Variants in KCNMA1 observed in about 807,000 individuals in gnomAD.
KCNMA1 encodes potassium calcium-activated channel subfamily M alpha 1.
A neutral mutation model predicts 140.0 loss-of-function variants in KCNMA1; 29 were observed. The observed-to-expected ratio is 0.21, with a 90% CI of 0.15 to 0.28. The LOEUF is 0.28. KCNMA1 is among the 10% of genes least tolerant of loss of function. The probability of loss-of-function intolerance (pLI) is 1.00; values close to 1 mark genes in which losing one functional copy is unlikely to be tolerated. For missense variants in KCNMA1, 880 were observed against 1,602.2 expected (o/e 0.55, Z 7.70); for synonymous variants, 612 against 611.9 (o/e 1.00, Z 0.00).
At chr10:77,282,360 C>A (rs1290133831) in intron 2 of KCNMA1, among the ~76,000 whole-genome samples, 1 of 152,176 alleles carries the variant, frequency 6.6e-6, no homozygotes, top group Non-Finnish European at 1.5e-5. Flanking sequence ...TTTGCAAATT[C>A]TGTTTCTCCT....
At chr10:77,299,279 G>A (rs1247293044) in intron 2 of KCNMA1, among the ~76,000 whole-genome samples, 2 of 152,160 alleles carry the variant, frequency 1.3e-5, no homozygotes, top group African/African-American at 4.8e-5. Context: ...GTTAAACGTT[G>A]CATGTATTGA....
At chr10:77,537,311 C>CA (rs1403404659) in intron 1 of KCNMA1, among the ~76,000 whole-genome samples, 27 of 152,218 alleles carry the variant, frequency 1.8e-4, no homozygotes, top group African/African-American at 6.3e-4. Context: ...ATCACTGTGC[C>CA]AACTCAGGGG....
chr10:77,102,439 A>G (rs941192892), intron 9 of KCNMA1, among the ~76,000 whole-genome samples: 1 of 152,224 alleles, frequency 6.6e-6, no homozygotes, highest in African/African-American at 2.4e-5. Flanking sequence ...ATTCTGATAT[A>G]AGGAAAGACA....
chr10:77,411,343 A>G lies in KCNMA1; in HGVS notation c.379-7320T>C, dbSNP rs534763098. Among the ~76,000 whole-genome samples, 3 of 152,320 alleles carry G rather than the reference A, an allele frequency of 2.0e-5. No individual in the cohort carries two copies. The East Asian group carries it at 5.8e-4, about 29-fold the overall frequency. On this transcript the variant is annotated intron_variant, in intron 1 of 27. Transcript: ENST00000286628. ...GAGGGAGGAGAGCTACAGCAAATGG[A>G]AAGTCAGTTCTTACCATGCACAATC...
At chr10:77,062,891 C>G (rs2095806369) in intron 14 of KCNMA1, among the ~76,000 whole-genome samples, 1 of 152,270 alleles carries the variant, frequency 6.6e-6, no homozygotes, top group East Asian at 1.9e-4. Flanking sequence ...AGCTGAGAAG[C>G]CAATGATGTT....
chr10:77,096,985 G>A (rs969797746), intron 9 of KCNMA1, among the ~76,000 whole-genome samples: 27 of 152,132 alleles, frequency 1.8e-4, no homozygotes, highest in African/African-American at 3.4e-4. Context: ...GAAGCAGGGC[G>A]TGGGGGGTTA....
intron 13 of KCNMA1, among the ~76,000 whole-genome samples, chr10:77,074,734 C>A (rs1595378841): frequency 6.6e-6 from 1 of 152,208 alleles, no homozygotes; most frequent in East Asian, 1.9e-4. Context: ...GGTCTTTGTC[C>A]CTAAGACTCA....
At chr10:77,387,708 C>G (rs1263226147) in intron 2 of KCNMA1, among the ~76,000 whole-genome samples, 1 of 151,034 alleles carries the variant, frequency 6.6e-6, no homozygotes, top group East Asian at 1.9e-4. Context: ...ACCTCTCACT[C>G]CCAGGTTCAA....
chr10:76,907,941 C>T (rs1484223188), intron 25 of KCNMA1, among the ~76,000 whole-genome samples: 1 of 152,130 alleles, frequency 6.6e-6, no homozygotes, highest in Non-Finnish European at 1.5e-5. Context: ...CTGCTAGAAA[C>T]ATACTAAATA....
chr10:77,431,737 C>T (rs1371626522), intron 1 of KCNMA1, among the ~76,000 whole-genome samples: 1 of 148,486 alleles, frequency 6.7e-6, no homozygotes, highest in Admixed American at 6.7e-5. Context: ...GTGGCTCACG[C>T]CTGTAATCCC....
At chr10:76,941,121 A>AAGGGG (rs2062136732) in intron 23 of KCNMA1, among the ~76,000 whole-genome samples, 1 of 53,312 alleles carries the variant, frequency 1.9e-5, no homozygotes, top group Non-Finnish European at 3.2e-5. Context: ...GGAGGGAGGG[A>AAGGGG]AGGGAAGGGA....
At chr10:77,521,903 C>T (rs920140171) in intron 1 of KCNMA1, among the ~76,000 whole-genome samples, 7 of 152,072 alleles carry the variant, frequency 4.6e-5, no homozygotes, top group Non-Finnish European at 1.0e-4. Context: ...GGACCAGGCA[C>T]GGTGGCTCAT....
intron 24 of KCNMA1, chr10:76,914,113 A>G (rs1436930113): frequency 6.5e-7 from 1 of 1,550,334 alleles, no homozygotes; most frequent in South Asian, 1.2e-5. Context: ...ATTGACTGAT[A>G]CCAAAGGCAA....
chr10:77,254,101 T>C (rs1020478765), intron 2 of KCNMA1, among the ~76,000 whole-genome samples: 1 of 152,174 alleles, frequency 6.6e-6, no homozygotes, highest in Non-Finnish European at 1.5e-5. Context: ...TACATTTTAG[T>C]CTGCATGGTA....
intron 3 of KCNMA1, among the ~76,000 whole-genome samples, chr10:77,219,814 T>C (rs1462867693): frequency 6.6e-6 from 1 of 152,170 alleles, no homozygotes; most frequent in Admixed American, 6.5e-5. Context: ...TTAATCCATA[T>C]AGGAACTGTA....
At chr10:77,469,065 G>C (rs2098095855) in intron 1 of KCNMA1, among the ~76,000 whole-genome samples, 1 of 152,178 alleles carries the variant, frequency 6.6e-6, no homozygotes, top group South Asian at 2.1e-4. Flanking sequence ...TGAATGGTTT[G>C]AGTCCCAAAT....
rs553143560 is a variant in KCNMA1, at chr10:76,921,536, G to C, written c.2903-6487C>G. ...TTGCTGCTTATGGGAAAATTATGCA[G>C]ATTAGAACTTGATTAGGCTTATATC... On this transcript the variant is annotated intron_variant, in intron 23 of 27. Coordinates refer to ENST00000286628, the MANE Select transcript of KCNMA1 (RefSeq NM_001161352.2). 2.6e-5 allele frequency among the ~76,000 whole-genome samples: 4 copies of C among 152,324 alleles called. No homozygotes were observed. The South Asian group carries it at 8.3e-4, about 32-fold the overall frequency.
intron 2 of KCNMA1, among the ~76,000 whole-genome samples, chr10:77,272,052 A>C (rs1411940859): frequency 2.6e-5 from 4 of 152,192 alleles, no homozygotes; most frequent in Admixed American, 1.3e-4. Flanking sequence ...TGAGCAAGCA[A>C]GTACATGCAG....
At chr10:77,502,171 G>A (rs2044155043) in intron 1 of KCNMA1, among the ~76,000 whole-genome samples, 1 of 152,148 alleles carries the variant, frequency 6.6e-6, no homozygotes, top group Non-Finnish European at 1.5e-5. Context: ...ACAGCTGGGG[G>A]CGCCTGGGAA....
Sources: gnomAD v4.1 joint callset for allele counts (sites outside exome capture counted in the v4.1 genomes callset) on GRCh38, gnomAD v4.1.1 for gene constraint, MANE v1.5 for transcripts, NCBI Gene and HGNC (gene_info 2026-07-23, HGNC 2026-07-21) for gene names.